Variants in PDE4C observed in about 807,000 individuals in gnomAD.
The protein encoded by PDE4C is 3',5'-cyclic-AMP phosphodiesterase 4C.
In PDE4C, 50 loss-of-function variants were observed where a neutral mutation model predicts 63.9. The ratio of observed to expected loss-of-function variants is 0.78; its 90% CI spans 0.62 to 0.99. PDE4C has a LOEUF of 0.99. PDE4C is among the 50% of genes least tolerant of loss of function. The pLI, the probability that PDE4C is intolerant of heterozygous loss-of-function variation, is 0.00. For missense variants in PDE4C, 777 were observed against 899.1 expected (o/e 0.86, Z 1.74); for synonymous variants, 377 against 385.1 (o/e 0.98, Z 0.25).
exon 1 of PDE4C, chr19:18,226,281 G>A: frequency 6.4e-7 from 1 of 1,565,494 alleles, no homozygotes; most frequent in South Asian, 1.2e-5. Flanking sequence ...ACAGCGGATG[G>A]GCCACCGTGA....
upstream of PDE4C, among the ~76,000 whole-genome samples, chr19:18,229,991 C>A (rs1174521469): frequency 6.6e-6 from 1 of 152,128 alleles, no homozygotes; most frequent in African/African-American, 2.4e-5. Context: ...GAATGCTTGT[C>A]GCCTGCTGAT....
exon 4 of PDE4C, chr19:18,221,161 C>G: frequency 6.3e-7 from 1 of 1,584,538 alleles, no homozygotes; most frequent in South Asian, 1.1e-5. Flanking sequence ...TCCGAACGGT[C>G]CGCAGACTGG....
chr19:18,224,757 C>G (rs748583962), intron 1 of PDE4C, among the ~76,000 whole-genome samples: 1 of 152,252 alleles, frequency 6.6e-6, no homozygotes, highest in African/African-American at 2.4e-5. Context: ...TTTAGCAGCA[C>G]CGGGATGAAC....
upstream of PDE4C, among the ~76,000 whole-genome samples, chr19:18,237,612 C>T (rs1968973877): frequency 1.3e-5 from 2 of 151,196 alleles, no homozygotes; most frequent in Non-Finnish European, 2.9e-5. Flanking sequence ...GTGGCTCACG[C>T]CTGTAATCCC....
At chr19:18,211,226 G>A (rs192753236) in exon 15 of PDE4C, 1 of 1,609,196 alleles carries the variant, frequency 6.2e-7, no homozygotes, top group Non-Finnish European at 8.5e-7. Flanking sequence ...GGTGGACCAG[G>A]TCAGCCCAAG....
At chr19:18,219,721 G>A in intron 7 of PDE4C, 1 of 260,320 alleles carries the variant, frequency 3.8e-6, no homozygotes, top group Admixed American at 4.9e-5. Flanking sequence ...CTACTCAGGA[G>A]GCTGAGGTGG....
rs572045951 is a variant in PDE4C, at chr19:18,213,171, C to A, written c.1512+197G>T. The stretch of plus-strand genomic sequence containing the variant: ...CGGTGCCGGGCACCTGTAATCCCAG[C>A]TACTCGGGAGGCTGAGGCAGGAGAA... On this transcript the variant is annotated intron_variant, in intron 13 of 14. Coordinates refer to ENST00000262805, the Ensembl canonical transcript of PDE4C. 3.3e-5 allele frequency among the ~76,000 whole-genome samples: 5 copies of A among 151,714 alleles called. No homozygotes were observed. In the South Asian group the frequency reaches 1.0e-3, roughly 32 times the overall value.
intron 1 of PDE4C, among the ~76,000 whole-genome samples, chr19:18,242,801 A>AT (rs2148069061): frequency 6.6e-6 from 1 of 151,252 alleles, no homozygotes; most frequent in Non-Finnish European, 1.5e-5. Flanking sequence ...AAAAAAAAAA[A>AT]AAGGGAATTG....
chr19:18,245,098 G>T (rs918435105), intron 1 of PDE4C, among the ~76,000 whole-genome samples: 1 of 151,988 alleles, frequency 6.6e-6, no homozygotes. Flanking sequence ...GCCTCCCAAA[G>T]TGCTGGGATT....
intron 11 of PDE4C, chr19:18,217,118 A>G (rs1414436850): frequency 1.8e-5 from 8 of 454,752 alleles, no homozygotes; most frequent in Non-Finnish European, 3.1e-5. Context: ...AAGGCTCCTC[A>G]TGGACCCCCT....
rs2148030630 is a variant in PDE4C at position 18,222,114 on chromosome 19, C to A, written c.338+18G>T. 6 of 1,595,852 alleles carry A rather than the reference C, an allele frequency of 3.8e-6. No homozygotes were observed. The highest frequency in any genetic ancestry group is 5.1e-6 in the Non-Finnish European group (6 of 1,165,760). Reference sequence around the variant, plus strand: ...AGGGAGGGTAGAGGCGGTGTCATCCCACCAGCCCCAGACTCACAGGTCGCT... The same window carrying A: ...AGGGAGGGTAGAGGCGGTGTCATCCAACCAGCCCCAGACTCACAGGTCGCT... On this transcript the variant is annotated intron_variant, in intron 2 of 14. Transcript: ENST00000262805.
chr19:18,218,561 A>T (rs947982902), intron 9 of PDE4C, 63 bp from the exon 10 acceptor site: 3 of 1,579,474 alleles, frequency 1.9e-6, no homozygotes, highest in Admixed American at 3.4e-5. Flanking sequence ...CGCTGTTCCT[A>T]CCCCTCTCTT....
intron 1 of PDE4C, chr19:18,225,818 C>T (rs1349503695): frequency 6.1e-6 from 1 of 164,508 alleles, no homozygotes; most frequent in Non-Finnish European, 1.3e-5. Context: ...TTGTGAGGCC[C>T]CCAGGGCATC....
upstream of PDE4C, chr19:18,248,316 G>C: frequency 2.3e-6 from 1 of 428,478 alleles, no homozygotes; most frequent in South Asian, 1.6e-5. Context: ...ACCAGGCCAG[G>C]ACATAATCCA....
chr19:18,241,497 G>T (rs1386573571), intron 1 of PDE4C, among the ~76,000 whole-genome samples: 1 of 151,916 alleles, frequency 6.6e-6, no homozygotes, highest in Admixed American at 6.6e-5. Context: ...TCGATCTCCT[G>T]ACCTCATGAT....
intron 11 of PDE4C, among the ~76,000 whole-genome samples, chr19:18,217,810 T>C (rs1467710492): frequency 6.6e-6 from 1 of 152,046 alleles, no homozygotes; most frequent in Non-Finnish European, 1.5e-5. Flanking sequence ...GGCTAGACAA[T>C]CGCTTGAACC....
In PDE4C at chr19:18,226,327, A is replaced by G. The variant is rs962024020; in HGVS notation, c.89T>C (p.Leu30Pro). 3.8e-6 allele frequency: 6 copies of G among 1,559,180 alleles called. No individual in the cohort carries two copies. The African/African-American group carries it at 8.3e-5, about 22-fold the overall frequency. Residue 30 changes from leucine (L) to proline (P), a missense_variant, in exon 1 of 15, where the codon CTT becomes CCT. Leu to Pro is a moderately conservative substitution (Grantham distance 98). This residue lies in a region of PDE4C where 249 missense variants were observed against 247.8 expected (regional missense o/e 1.00). Coordinates refer to ENST00000262805, the Ensembl canonical transcript of PDE4C. Reference sequence around the variant, plus strand: ...CAGGCGGATGCTCTGATTCACCAAAAGCTTCCTGAAGAGCCCGGGGGAGCC... The same window carrying G: ...CAGGCGGATGCTCTGATTCACCAAAGGCTTCCTGAAGAGCCCGGGGGAGCC...
At position 18,220,547 on chromosome 19, in the gene PDE4C, A is replaced by AC. The variant is rs5827400; in HGVS notation, c.500-33dup. ...GCCGAGGCAGTCAGGGGCCTGCCCA[A>AC]CCCCCCCGCTCAGGGACCCCACGCC... On this transcript the variant is annotated intron_variant, in intron 5 of 14. Coordinates refer to ENST00000262805, the Ensembl canonical transcript of PDE4C. The surrounding 1 kb of genome is among the most constrained non-coding windows in gnomAD (Gnocchi z 5.1). The AC allele has an allele frequency of 2.6e-6, 4 of 1,555,266 alleles. No individual in the cohort carries two copies. The highest frequency in any genetic ancestry group is 1.4e-5 in the African/African-American group (1 of 73,380).
At chr19:18,239,806 G>A (rs1022349939) in intron 1 of PDE4C, among the ~76,000 whole-genome samples, 7 of 151,972 alleles carry the variant, frequency 4.6e-5, no homozygotes, top group African/African-American at 1.4e-4. Flanking sequence ...CAGGCGGATC[G>A]CTTAGGGTCA....
Sources: gnomAD v4.1 joint callset for allele counts (sites outside exome capture counted in the v4.1 genomes callset) on GRCh38, gnomAD v4.1.1 for gene constraint, gnomAD v4.1.1 regional missense constraint, Gnocchi (gnomAD v3.1) non-coding constraint, MANE v1.5 for transcripts, NCBI Gene and HGNC (gene_info 2026-07-23, HGNC 2026-07-21) for gene names.